Variants in ANGPT4 observed in about 807,000 individuals in gnomAD.
ANGPT4 encodes the protein angiopoietin-4.
ANGPT4 carries 50 observed loss-of-function variants against 53.0 expected under a neutral mutation model. The observed-to-expected ratio is 0.94, with a 90% CI of 0.75 to 1.20. ANGPT4 has a LOEUF of 1.20. Ranked by LOEUF, ANGPT4 falls within the 50% of genes most tolerant of loss-of-function variation. The pLI is 0.00. For synonymous variants in ANGPT4, 251 were observed against 259.7 expected (o/e 0.97, Z 0.32); for missense variants, 648 against 637.1 (o/e 1.02, Z -0.18).
At chr20:879,713 G>A in intron 6 of ANGPT4, 34 bp downstream of exon 6, 1 of 1,584,986 alleles carries the variant, frequency 6.3e-7, no homozygotes, top group Non-Finnish European at 8.6e-7. Flanking sequence ...AGGTTTCAGA[G>A]CAGAATGGCC....
At chr20:907,641 T>C (rs1982525107) in intron 1 of ANGPT4, among the ~76,000 whole-genome samples, 1 of 152,188 alleles carries the variant, frequency 6.6e-6, no homozygotes, top group African/African-American at 2.4e-5. Flanking sequence ...GTTATCGACC[T>C]ATTTTACAGA....
chr20:888,891 T>C (rs889079189), intron 2 of ANGPT4, among the ~76,000 whole-genome samples: 1 of 152,162 alleles, frequency 6.6e-6, no homozygotes, highest in African/African-American at 2.4e-5. Context: ...GTGGCTCCCA[T>C]CTCATGTAGC....
At position 908,704 on chromosome 20, in the gene ANGPT4, A is replaced by G. The variant is rs542009433; in HGVS notation, c.309+7202T>C. 1.3e-5 allele frequency among the ~76,000 whole-genome samples: 2 copies of G among 151,052 alleles called. No homozygotes were observed. The highest frequency in any genetic ancestry group is 4.8e-5 in the African/African-American group (2 of 41,256). On this transcript the variant is annotated intron_variant, in intron 1 of 8. Transcript: ENST00000381922. The surrounding 1 kb of genome is among the most constrained non-coding windows in gnomAD (Gnocchi z 4.9). ...TAAACAGTGGTGGAAGGGACAATTAAATGAATGCAGGAATGAATATTCTTA... is the reference window on the plus strand; with the variant it reads ...TAAACAGTGGTGGAAGGGACAATTAGATGAATGCAGGAATGAATATTCTTA...
In ANGPT4 at chr20:872,762, A is replaced by C; in HGVS notation, c.*198T>G. ...ACTACATCAGAGGGATGGGCCCCGA[A>C]CACCCTCCATGTCACAGACGGAGGG... is the stretch of plus-strand genomic sequence containing the variant. On this transcript the variant is annotated 3_prime_UTR_variant, in exon 9 of 9. Transcript: ENST00000381922. 2 of 634,398 alleles carry C rather than the reference A, an allele frequency of 3.2e-6. No homozygotes were observed. The highest frequency in any genetic ancestry group is 5.4e-6 in the Non-Finnish European group (2 of 369,148). 39.3% of individuals were successfully genotyped at this position (634,398 alleles called of 1,614,324 possible).
intron 1 of ANGPT4, among the ~76,000 whole-genome samples, chr20:899,893 T>C (rs946662433): frequency 2.0e-5 from 3 of 152,220 alleles, no homozygotes; most frequent in African/African-American, 2.4e-5. Context: ...GCCACAAGGC[T>C]TCAGGGACAG....
chr20:885,378 AC>A, intron 3 of ANGPT4, 53 bp from the exon 4 acceptor site: 2 of 1,463,920 alleles, frequency 1.4e-6, no homozygotes, highest in Non-Finnish European at 1.8e-6. Context: ...CGAAGCACGC[AC>A]CCCCGCGCGC....
At chr20:873,476 T>C (rs1981032804) in intron 8 of ANGPT4, among the ~76,000 whole-genome samples, 1 of 151,898 alleles carries the variant, frequency 6.6e-6, no homozygotes, top group African/African-American at 2.4e-5. Flanking sequence ...TAGTGGTCTC[T>C]GTCACTCTCT....
Position 911,776 on chromosome 20 carries a change from T to C in ANGPT4, c.309+4130A>G, listed in dbSNP as rs1982709139. On this transcript the variant is annotated intron_variant, in intron 1 of 8. Coordinates refer to ENST00000381922, the MANE Select transcript of ANGPT4 (RefSeq NM_015985.4). This position sits in a 1 kb window ranked among gnomAD's most constrained non-coding sequence, Gnocchi z 4.9. ...GCTGCAGTGAGCTGTGATTGCACCATTGCACCCCAGTGTGGTTGAGAGAGT... is the reference window on the plus strand; with the variant it reads ...GCTGCAGTGAGCTGTGATTGCACCACTGCACCCCAGTGTGGTTGAGAGAGT... Among the ~76,000 whole-genome samples the C allele has an allele frequency of 6.6e-6, 1 of 151,654 alleles. No homozygotes were observed. The highest frequency in any genetic ancestry group is 2.1e-4 in the South Asian group (1 of 4,788).
intron 1 of ANGPT4, among the ~76,000 whole-genome samples, chr20:895,720 C>T (rs1298364389): frequency 6.6e-6 from 1 of 152,146 alleles, no homozygotes; most frequent in African/African-American, 2.4e-5. Context: ...ATGCAGTGGA[C>T]TCCATTGAGC....
At position 914,561 on chromosome 20, in the gene ANGPT4, G is replaced by T. The variant is rs569911339; in HGVS notation, c.309+1345C>A. On this transcript the variant is annotated intron_variant, in intron 1 of 8. Coordinates refer to ENST00000381922, the MANE Select transcript of ANGPT4 (RefSeq NM_015985.4). The surrounding 1 kb of genome is among the most constrained non-coding windows in gnomAD (Gnocchi z 5.0). Reference sequence around the variant, plus strand: ...GGGCCGAGTGTTAGCAGGGAGCCAGGGGGGCAGCCAGGACAGCTATCCTGC... The same window carrying T: ...GGGCCGAGTGTTAGCAGGGAGCCAGTGGGGCAGCCAGGACAGCTATCCTGC... 3.3e-5 allele frequency among the ~76,000 whole-genome samples: 5 copies of T among 152,050 alleles called. No homozygotes were observed. The highest frequency in any genetic ancestry group is 7.3e-5 in the African/African-American group (3 of 41,364).
At position 911,484 on chromosome 20, in the gene ANGPT4, C is replaced by T. The variant is rs1360794515; in HGVS notation, c.309+4422G>A. The stretch of plus-strand genomic sequence containing the variant: ...GGGAGGTAGAGGTGGGAGGGATGGC[C>T]TTGGGGTGAGAAAAGGAGGAGCTGA... On this transcript the variant is annotated intron_variant, in intron 1 of 8. Transcript: ENST00000381922. This position sits in a 1 kb window ranked among gnomAD's most constrained non-coding sequence, Gnocchi z 4.9. Among the ~76,000 whole-genome samples, 1 of 152,052 alleles carries T rather than the reference C, an allele frequency of 6.6e-6. No homozygotes were observed. The highest frequency in any genetic ancestry group is 1.5e-5 in the Non-Finnish European group (1 of 68,004).
intron 5 of ANGPT4, among the ~76,000 whole-genome samples, chr20:880,678 C>T (rs188158419): frequency 9.2e-5 from 14 of 152,152 alleles, no homozygotes; most frequent in Non-Finnish European, 1.8e-4. Flanking sequence ...CATCCGTGCT[C>T]TTCTCTGTCA....
chr20:888,895 A>T (rs1203612847), intron 2 of ANGPT4, among the ~76,000 whole-genome samples: 2 of 152,122 alleles, frequency 1.3e-5, no homozygotes, highest in Non-Finnish European at 2.9e-5. Context: ...CTCCCATCTC[A>T]TGTAGCGGAA....
chr20:881,672 TGA>T (rs1320281700), intron 4 of ANGPT4, among the ~76,000 whole-genome samples: 1 of 151,996 alleles, frequency 6.6e-6, no homozygotes, highest in African/African-American at 2.4e-5. Flanking sequence ...ATGATGCAAC[TGA>T]GAGGGTAGAA....
At chr20:873,650 T>C (rs1568818938) in intron 8 of ANGPT4, among the ~76,000 whole-genome samples, 1 of 151,902 alleles carries the variant, frequency 6.6e-6, no homozygotes, top group Non-Finnish European at 1.5e-5. Flanking sequence ...ATCTTTCACA[T>C]GCTGTGTTTG....
At chr20:895,590 G>T (rs1205793295) in intron 1 of ANGPT4, among the ~76,000 whole-genome samples, 1 of 152,138 alleles carries the variant, frequency 6.6e-6, no homozygotes, top group African/African-American at 2.4e-5. Context: ...CAAATAACAG[G>T]TGCAGATCCG....
chr20:888,800 C>T (rs143663661), intron 2 of ANGPT4, among the ~76,000 whole-genome samples: 13 of 152,316 alleles, frequency 8.5e-5, no homozygotes, highest in Middle Eastern at 6.8e-3. Flanking sequence ...TGGACTGCTC[C>T]CTCATTGCTT....
chr20:899,358 C>T (rs919480663), intron 1 of ANGPT4, among the ~76,000 whole-genome samples: 8 of 152,076 alleles, frequency 5.3e-5, no homozygotes, highest in Non-Finnish European at 1.0e-4. Flanking sequence ...TGCCATTCTC[C>T]TGCCTCAGCC....
At chr20:879,578 C>G (rs146212103) in intron 6 of ANGPT4, among the ~76,000 whole-genome samples, 169 bp downstream of exon 6, 26 of 151,982 alleles carry the variant, frequency 1.7e-4, no homozygotes, top group Admixed American at 5.9e-4. Context: ...TCAGAAAGAA[C>G]ATTCAAATTC....
Sources: gnomAD v4.1 joint callset for allele counts (sites outside exome capture counted in the v4.1 genomes callset) on GRCh38, gnomAD v4.1.1 for gene constraint, Gnocchi (gnomAD v3.1) non-coding constraint, MANE v1.5 for transcripts, NCBI Gene and HGNC (gene_info 2026-07-23, HGNC 2026-07-21) for gene names.